RRP1B: variants seen among roughly 807,000 people sequenced by gnomAD.
The protein encoded by RRP1B is ribosomal RNA processing protein 1 homolog B.
In RRP1B, 56 loss-of-function variants were observed where a neutral mutation model predicts 80.2. That is an observed-to-expected ratio of 0.70 (90% CI 0.56 to 0.87). The LOEUF (loss-of-function observed/expected upper bound fraction) is 0.87, where lower values mean the gene tolerates loss of function less well. Ranked by LOEUF, RRP1B falls within the 40% of genes least tolerant of loss-of-function variation. The probability of loss-of-function intolerance (pLI) is 0.00; values close to 1 mark genes in which losing one functional copy is unlikely to be tolerated. For synonymous variants in RRP1B, 351 were observed against 357.6 expected, an observed-to-expected ratio of 0.98 and a Z score of 0.21; for missense variants, 807 against 939.8, an observed-to-expected ratio of 0.86 and a Z score of 1.85.
Position 43,659,650 on chromosome 21 carries a change from G to T in RRP1B, c.-15G>T. ...CACCGCGGGTTGCGCGGCCGGGGATGCTCCAGCGGGCGCGATGGCCCCCGC... is the reference window on the plus strand; with the variant it reads ...CACCGCGGGTTGCGCGGCCGGGGATTCTCCAGCGGGCGCGATGGCCCCCGC... On this transcript the variant is annotated 5_prime_UTR_variant, in exon 1 of 16. The change abolishes an upstream ATG in the 5' untranslated region. Transcript: ENST00000340648. The surrounding 1 kb of genome is among the most constrained non-coding windows in gnomAD (Gnocchi z 4.2). The T allele has an allele frequency of 4.7e-6, 7 of 1,493,542 alleles. No individual in the cohort carries two copies. The South Asian group carries it at 9.0e-5, about 19-fold the overall frequency. 92.5% of individuals were successfully genotyped at this position (1,493,542 alleles called of 1,614,324 possible). A position where few individuals can be genotyped will look rare whatever the true frequency, so the allele number is the denominator to read the frequency against.
intron 8 of RRP1B, among the ~76,000 whole-genome samples, chr21:43,680,567 A>G (rs1364590588): frequency 1.3e-5 from 2 of 151,964 alleles, no homozygotes; most frequent in Non-Finnish European, 2.9e-5. Flanking sequence ...CCATCTCAAA[A>G]AAAAAAAAAG....
chr21:43,672,752 CCT>C (rs1431703525), intron 3 of RRP1B, among the ~76,000 whole-genome samples: 1 of 152,084 alleles, frequency 6.6e-6, no homozygotes, highest in Non-Finnish European at 1.5e-5. Flanking sequence ...TGAAGTAACT[CCT>C]CTCAACCATA....
chr21:43,664,414 A>G (rs1321863349), intron 1 of RRP1B, among the ~76,000 whole-genome samples: 1 of 152,122 alleles, frequency 6.6e-6, no homozygotes, highest in African/African-American at 2.4e-5. Flanking sequence ...TTATTATTGT[A>G]ATCTCTCACC....
In RRP1B at chr21:43,693,111, A is replaced by C; in HGVS notation, c.2084-79A>C. ...TAGCAAGTGGGTGGGGTCGGCACCC[A>C]GGCAGGACGCTGTCTAAGGTGTTGA... On this transcript the variant is annotated intron_variant, in intron 15 of 15. Coordinates refer to ENST00000340648, the MANE Select transcript of RRP1B (RefSeq NM_015056.3). This position sits in a 1 kb window ranked among gnomAD's most constrained non-coding sequence, Gnocchi z 4.1. The C allele has an allele frequency of 6.7e-7, 1 of 1,494,202 alleles. No individual in the cohort carries two copies. Among genetic ancestry groups the C allele is most frequent in the Non-Finnish European group, 9.2e-7 (1 of 1,085,508 alleles). 92.6% of individuals were successfully genotyped at this position (1,494,202 alleles called of 1,614,324 possible). A position where few individuals can be genotyped will look rare whatever the true frequency, so the allele number is the denominator to read the frequency against.
At position 43,695,454 on chromosome 21, in the gene RRP1B, C is replaced by T. The variant is rs1256512512; in HGVS notation, c.*2071C>T. On this transcript the variant is annotated 3_prime_UTR_variant, in exon 16 of 16. Transcript: ENST00000340648. Reference sequence around the variant, plus strand: ...CCTGAGAGGTCCCGGCTGGGAGTGACAGGGTGCTTCTTAGATTCTATTGGT... The same window carrying T: ...CCTGAGAGGTCCCGGCTGGGAGTGATAGGGTGCTTCTTAGATTCTATTGGT... 1 of 152,200 alleles carries T rather than the reference C, an allele frequency of 6.6e-6. No homozygotes were observed. Among genetic ancestry groups the T allele is most frequent in the Non-Finnish European group, 1.5e-5 (1 of 68,034 alleles). The allele number at this position is 152,200 out of a possible 1,614,324, so 9.4% of individuals were successfully genotyped here.
chr21:43,666,771 T>C (rs2082979806), intron 1 of RRP1B, among the ~76,000 whole-genome samples: 1 of 152,218 alleles, frequency 6.6e-6, no homozygotes, highest in East Asian at 1.9e-4. Context: ...TGTTTAGTTT[T>C]TCTCATCAAA....
chr21:43,687,066 G>A, intron 12 of RRP1B, 131 bp downstream of exon 12: 1 of 1,063,602 alleles, frequency 9.4e-7, no homozygotes, highest in Non-Finnish European at 1.3e-6. Flanking sequence ...GTCTTTAATG[G>A]CTGAGAGGTA....
intron 15 of RRP1B, among the ~76,000 whole-genome samples, chr21:43,692,801 T>C (rs569360130): frequency 2.0e-5 from 3 of 152,022 alleles, no homozygotes; most frequent in Non-Finnish European, 4.4e-5. Context: ...ACCCAGCCTT[T>C]ACAACTGGAG....
intron 1 of RRP1B, among the ~76,000 whole-genome samples, chr21:43,669,206 G>A (rs2082990044): frequency 6.6e-6 from 1 of 152,040 alleles, no homozygotes; most frequent in Admixed American, 6.5e-5. Flanking sequence ...ACCGTTGCAG[G>A]GAGGGTGATT....
At chr21:43,664,585 A>C (rs531588289) in intron 1 of RRP1B, among the ~76,000 whole-genome samples, 2 of 152,298 alleles carry the variant, frequency 1.3e-5, no homozygotes, top group South Asian at 4.1e-4. Flanking sequence ...GCCTGAGCCA[A>C]GGTTTGTTTC....
At chr21:43,681,346 G>A (rs1172000199) in intron 8 of RRP1B, among the ~76,000 whole-genome samples, 2 of 151,396 alleles carry the variant, frequency 1.3e-5, no homozygotes, top group East Asian at 1.9e-4. Flanking sequence ...AGACCTGGTG[G>A]ACGGGAAGTA....
intron 11 of RRP1B, 60 bp from the exon 12 acceptor site, chr21:43,686,744 C>T: frequency 1.3e-6 from 2 of 1,599,554 alleles, no homozygotes; most frequent in South Asian, 2.2e-5. Context: ...TGCTCTTAGG[C>T]CCCTGGGGCA....
chr21:43,686,481 C>T (rs1038607502), intron 11 of RRP1B: 4 of 260,984 alleles, frequency 1.5e-5, no homozygotes, highest in East Asian at 7.9e-5. Flanking sequence ...ACCCCATACC[C>T]GTCATTCACT....
In RRP1B at chr21:43,683,392, T is replaced by G; in HGVS notation, c.891+19T>G. The G allele has an allele frequency of 6.3e-7, 1 of 1,592,812 alleles. No individual in the cohort carries two copies. Among genetic ancestry groups the G allele is most frequent in the Non-Finnish European group, 8.6e-7 (1 of 1,160,796 alleles). On this transcript the variant is annotated intron_variant, in intron 9 of 15. Transcript: ENST00000340648. Reference sequence around the variant, plus strand: ...TCTCCAGGTGGGTAGCAGTTGTTGCTTTTTATAGAATATAGATTTGCTGTG... The same window carrying G: ...TCTCCAGGTGGGTAGCAGTTGTTGCGTTTTATAGAATATAGATTTGCTGTG...
intron 8 of RRP1B, among the ~76,000 whole-genome samples, chr21:43,682,582 G>A (rs73908363): frequency 0.015 from 2,247 of 152,310 alleles, 56 homozygotes; most frequent in African/African-American, 0.05. Flanking sequence ...GACTAGGGCC[G>A]GATTCCTGCG....
intron 6 of RRP1B, among the ~76,000 whole-genome samples, 154 bp downstream of exon 6, chr21:43,675,317 C>T (rs2083017530): frequency 1.3e-5 from 2 of 152,168 alleles, no homozygotes; most frequent in African/African-American, 4.8e-5. Context: ...TCCTAAGCAG[C>T]TGGTGGGATG....
chr21:43,686,866 C>A lies in RRP1B; in HGVS notation c.1072C>A (p.Leu358Ile). 6.2e-7 allele frequency: 1 copy of A among 1,613,932 alleles called. No homozygotes were observed. The change falls in exon 12 of 16, where the codon CTC (leucine) becomes ATC (isoleucine). Residue 358 changes from leucine to isoleucine, a missense_variant. Coordinates refer to ENST00000340648, the MANE Select transcript of RRP1B (RefSeq NM_015056.3). ...DISADEDDQI[L>I]SQGKHKKKGN... Reference sequence around the variant, plus strand: ...TTCTGCTGATGAAGATGACCAAATCCTCAGTCAAGGAAAGCATAAGAAGAA... The same window carrying A: ...TTCTGCTGATGAAGATGACCAAATCATCAGTCAAGGAAAGCATAAGAAGAA...
intron 9 of RRP1B, among the ~76,000 whole-genome samples, 185 bp from the exon 10 acceptor site, chr21:43,684,368 G>A (rs768965942): frequency 1.3e-5 from 2 of 152,110 alleles, no homozygotes; most frequent in Non-Finnish European, 2.9e-5. Context: ...ACCGCGCCCG[G>A]CCTGAACATG....
intron 8 of RRP1B, among the ~76,000 whole-genome samples, chr21:43,679,041 G>C (rs1418191155): frequency 2.0e-5 from 3 of 152,060 alleles, no homozygotes; most frequent in East Asian, 3.8e-4. Flanking sequence ...TTGTTTGCTT[G>C]GTTGAGGATC....
Sources: gnomAD v4.1 joint callset for allele counts (sites outside exome capture counted in the v4.1 genomes callset) on GRCh38, gnomAD v4.1.1 for gene constraint, Gnocchi (gnomAD v3.1) non-coding constraint, MANE v1.5 for transcripts, NCBI Gene and HGNC (gene_info 2026-07-23, HGNC 2026-07-21) for gene names.